ZNF385D: variants seen among roughly 807,000 people sequenced by gnomAD.
The protein encoded by ZNF385D is zinc finger protein 659.
In ZNF385D, 15 loss-of-function variants were observed where a neutral mutation model predicts 35.8. That is an observed-to-expected ratio of 0.42 (90% confidence interval 0.28 to 0.64). ZNF385D has a LOEUF of 0.64. Ranked by LOEUF, ZNF385D falls within the 30% of genes least tolerant of loss-of-function variation. The probability of loss-of-function intolerance (pLI) is 0.23; values close to 1 mark genes in which losing one functional copy is unlikely to be tolerated. For missense variants in ZNF385D, 474 were observed against 494.6 expected (o/e 0.96, Z 0.39); for synonymous variants, 212 against 186.8 (o/e 1.13, Z -1.10).
chr3:22,001,722 G>T (rs912327789), intron 3 of ZNF385D, among the ~76,000 whole-genome samples: 2 of 140,092 alleles, frequency 1.4e-5, no homozygotes, highest in African/African-American at 5.6e-5. Context: ...CCATATGTTA[G>T]GCCACAAAAT....
At chr3:22,359,007 A>G (rs1696283418) in intron 2 of ZNF385D, among the ~76,000 whole-genome samples, 1 of 151,330 alleles carries the variant, frequency 6.6e-6, no homozygotes, top group South Asian at 2.1e-4. Flanking sequence ...CCTTTCTGAC[A>G]TTAGGCAAAA....
At chr3:22,294,849 A>G (rs1258539469) in intron 2 of ZNF385D, among the ~76,000 whole-genome samples, 1 of 152,166 alleles carries the variant, frequency 6.6e-6, no homozygotes, top group Admixed American at 6.6e-5. Context: ...TAAAGCCTTA[A>G]TCTGTTACCA....
intron 3 of ZNF385D, among the ~76,000 whole-genome samples, chr3:21,844,018 AAGT>A (rs1335438683): frequency 6.6e-6 from 1 of 151,932 alleles, no homozygotes; most frequent in East Asian, 1.9e-4. Flanking sequence ...GTCACACAAA[AAGT>A]AGAAAGTCTT....
chr3:22,080,000 A>G (rs958903228), intron 3 of ZNF385D, among the ~76,000 whole-genome samples: 18 of 152,226 alleles, frequency 1.2e-4, no homozygotes, highest in Non-Finnish European at 2.5e-4. Context: ...ATATATGTTC[A>G]GAGAAAGAAT....
At chr3:22,089,479 C>G (rs573055989) in intron 3 of ZNF385D, among the ~76,000 whole-genome samples, 1 of 152,186 alleles carries the variant, frequency 6.6e-6, no homozygotes, top group African/African-American at 2.4e-5. Context: ...CTGCGGTACA[C>G]GCAATTTCTG....
intron 3 of ZNF385D, among the ~76,000 whole-genome samples, chr3:22,002,969 T>C (rs1603666): frequency 0.27 from 41,509 of 152,018 alleles, 6,266 homozygotes; most frequent in South Asian, 0.43. Flanking sequence ...GCTAATATCA[T>C]GCTGAATGGG....
intron 1 of ZNF385D, among the ~76,000 whole-genome samples, chr3:21,666,940 T>C (rs543026399): frequency 1.6e-3 from 244 of 152,002 alleles, no homozygotes; most frequent in African/African-American, 5.8e-3. Context: ...TAGCCAAATG[T>C]GGGGTGCACA....
chr3:22,082,540 G>A (rs999860230), intron 3 of ZNF385D, among the ~76,000 whole-genome samples: 7 of 152,184 alleles, frequency 4.6e-5, no homozygotes, highest in African/African-American at 9.7e-5. Context: ...GGTAAACAAA[G>A]TGGTTGGGAA....
intron 2 of ZNF385D, among the ~76,000 whole-genome samples, chr3:22,317,670 T>A (rs894401219): frequency 3.3e-5 from 5 of 152,180 alleles, no homozygotes; most frequent in Admixed American, 6.6e-5. Context: ...AAACTTCTGT[T>A]CCTACTGGGT....
At chr3:21,893,244 G>A (rs967883434) in intron 3 of ZNF385D, among the ~76,000 whole-genome samples, 2 of 152,122 alleles carry the variant, frequency 1.3e-5, no homozygotes, top group African/African-American at 4.8e-5. Context: ...GATTGTCATC[G>A]TACCTCATCC....
At chr3:21,496,528 GATATATATATC>G (rs1340961554) in intron 4 of ZNF385D, among the ~76,000 whole-genome samples, 1 of 119,438 alleles carries the variant, frequency 8.4e-6, no homozygotes, top group Non-Finnish European at 1.7e-5. Context: ...ACATATATTT[GATATATATATC>G]ATATATATAT....
At chr3:21,929,233 C>A (rs1183134006) in intron 3 of ZNF385D, among the ~76,000 whole-genome samples, 1 of 151,980 alleles carries the variant, frequency 6.6e-6, no homozygotes, top group East Asian at 1.9e-4. Context: ...CCACATGATT[C>A]TTTAGATGCA....
chr3:21,510,061 G>A (rs1262518471), intron 4 of ZNF385D, among the ~76,000 whole-genome samples: 1 of 152,182 alleles, frequency 6.6e-6, no homozygotes, highest in East Asian at 1.9e-4. Flanking sequence ...CACATGGACT[G>A]GAAAACAATT....
chr3:22,183,509 C>G (rs1695422225), intron 2 of ZNF385D, among the ~76,000 whole-genome samples: 1 of 151,980 alleles, frequency 6.6e-6, no homozygotes, highest in South Asian at 2.1e-4. Context: ...AGGCACACAC[C>G]ACCATGCCCA....
chr3:22,256,110 G>C (rs533835107), intron 2 of ZNF385D, among the ~76,000 whole-genome samples: 4 of 151,604 alleles, frequency 2.6e-5, no homozygotes, highest in South Asian at 2.1e-4. Context: ...TCCAATGTCA[G>C]ACTCCAAGTT....
intron 2 of ZNF385D, among the ~76,000 whole-genome samples, chr3:22,321,836 C>T (rs1694451055): frequency 6.6e-6 from 1 of 152,038 alleles, no homozygotes; most frequent in Admixed American, 6.5e-5. Flanking sequence ...ATTTATTGTG[C>T]TTTTCTGTTC....
intron 3 of ZNF385D, among the ~76,000 whole-genome samples, chr3:21,791,581 TC>T (rs2125661823): frequency 6.6e-6 from 1 of 152,274 alleles, no homozygotes; most frequent in African/African-American, 2.4e-5. Context: ...AGACTTGAGT[TC>T]CCCAGTGAAC....
chr3:21,825,812 C>G (rs1052029961), intron 3 of ZNF385D, among the ~76,000 whole-genome samples: 2 of 152,202 alleles, frequency 1.3e-5, no homozygotes, highest in African/African-American at 2.4e-5. Flanking sequence ...GAACCAGTCC[C>G]TCGCTTGTTA....
At chr3:21,619,959 G>A (rs774214756) in intron 2 of ZNF385D, among the ~76,000 whole-genome samples, 1 of 152,000 alleles carries the variant, frequency 6.6e-6, no homozygotes, top group Non-Finnish European at 1.5e-5. Flanking sequence ...GGGAAACTTG[G>A]GCATGAAGAG....
Sources: gnomAD v4.1 joint callset for allele counts (sites outside exome capture counted in the v4.1 genomes callset) on GRCh38, gnomAD v4.1.1 for gene constraint, MANE v1.5 for transcripts, NCBI Gene and HGNC (gene_info 2026-07-23, HGNC 2026-07-21) for gene names.